The following CNIH3 variants were observed in gnomAD, a reference collection of about 807,000 sequenced individuals.
The protein encoded by CNIH3 is cornichon family AMPA receptor auxiliary protein 3.
Under a neutral mutation model 24.1 loss-of-function variants are expected in CNIH3, and 14 were observed. That is an observed-to-expected ratio of 0.58 (90% CI 0.38 to 0.91). The LOEUF is 0.91. Among genes scored for constraint, CNIH3 ranks in the 40% least tolerant of loss-of-function variants. The pLI is 0.00. For synonymous variants in CNIH3, 68 were observed against 73.8 expected (o/e 0.92, Z 0.40); for missense variants, 178 against 196.8 (o/e 0.90, Z 0.57).
intron 1 of CNIH3, among the ~76,000 whole-genome samples, chr1:224,440,278 G>A (rs1674843751): frequency 6.6e-6 from 1 of 152,184 alleles, no homozygotes; most frequent in African/African-American, 2.4e-5. Context: ...TGTCCAGGCT[G>A]GAGTACAGTG....
At chr1:224,635,864 A>C (rs1558237481) in intron 1 of CNIH3, among the ~76,000 whole-genome samples, 1 of 151,904 alleles carries the variant, frequency 6.6e-6, no homozygotes, top group Non-Finnish European at 1.5e-5. Flanking sequence ...GGTGTGTGCC[A>C]CCACACCTGG....
At chr1:224,572,400 C>G (rs1460479094) in intron 4 of CNIH3, among the ~76,000 whole-genome samples, 2 of 151,830 alleles carry the variant, frequency 1.3e-5, no homozygotes, top group African/African-American at 4.8e-5. Flanking sequence ...CCTGTAGTCC[C>G]AGCTATTTGG....
intron 5 of CNIH3, chr1:224,588,281 T>A (rs537303720): frequency 4.6e-5 from 7 of 152,186 alleles, no homozygotes; most frequent in Non-Finnish European, 1.0e-4. Context: ...AATGAAAAAA[T>A]TCAGAATGTA....
intron 3 of CNIH3, among the ~76,000 whole-genome samples, chr1:224,605,043 AG>A (rs1183936664): frequency 6.6e-6 from 1 of 152,186 alleles, no homozygotes; most frequent in African/African-American, 2.4e-5. Context: ...TAGGCAAAAA[AG>A]GCTAAAGCAA....
intron 1 of CNIH3, among the ~76,000 whole-genome samples, chr1:224,443,677 A>T (rs1675015523): frequency 7.0e-6 from 1 of 142,660 alleles, no homozygotes; most frequent in Non-Finnish European, 1.5e-5. Flanking sequence ...ATAGATAGAT[A>T]GATAGATATC....
chr1:224,439,223 A>T (rs1674789900), intron 1 of CNIH3, among the ~76,000 whole-genome samples: 1 of 152,160 alleles, frequency 6.6e-6, no homozygotes, highest in Non-Finnish European at 1.5e-5. Context: ...GGCATTCAGT[A>T]CAGTCCTGTA....
intron 3 of CNIH3, chr1:224,730,238 C>T (rs1689251142): frequency 4.0e-6 from 2 of 505,930 alleles, no homozygotes; most frequent in East Asian, 6.4e-5. Flanking sequence ...GCACTGAGGG[C>T]TTGTGTCATT....
intron 1 of CNIH3, among the ~76,000 whole-genome samples, chr1:224,482,306 G>A (rs534913602): frequency 6.6e-6 from 1 of 152,132 alleles, no homozygotes; most frequent in East Asian, 1.9e-4. Flanking sequence ...CAAGCAGAAG[G>A]GTTCTCTCCT....
At chr1:224,517,091 G>A (rs1399721235) in intron 1 of CNIH3, among the ~76,000 whole-genome samples, 2 of 151,988 alleles carry the variant, frequency 1.3e-5, no homozygotes, top group African/African-American at 4.8e-5. Context: ...GGTGTTTTTT[G>A]TTTGTTTGTT....
At chr1:224,677,487 C>T (rs1686194734) in intron 1 of CNIH3, among the ~76,000 whole-genome samples, 1 of 152,066 alleles carries the variant, frequency 6.6e-6, no homozygotes, top group South Asian at 2.1e-4. Flanking sequence ...ACGCTGAAAG[C>T]CTTTGTCCTC....
intron 1 of CNIH3, among the ~76,000 whole-genome samples, chr1:224,653,964 C>T (rs1247218772): frequency 7.2e-5 from 11 of 152,136 alleles, no homozygotes; most frequent in Non-Finnish European, 1.0e-4. Flanking sequence ...ACTACCACAC[C>T]CAGCTACTGG....
intron 4 of CNIH3, among the ~76,000 whole-genome samples, chr1:224,568,550 A>T (rs1680683278): frequency 6.6e-6 from 1 of 152,078 alleles, no homozygotes. Flanking sequence ...TGAGGCCAGG[A>T]TTTCAAGACC....
intron 1 of CNIH3, among the ~76,000 whole-genome samples, chr1:224,635,179 A>G (rs1036603493): frequency 8.5e-5 from 13 of 152,074 alleles, no homozygotes; most frequent in African/African-American, 3.1e-4. Flanking sequence ...GTCGGGGGGA[A>G]CTGCCCTAAA....
intron 1 of CNIH3, among the ~76,000 whole-genome samples, chr1:224,491,908 C>T (rs1480055950): frequency 6.6e-6 from 1 of 152,076 alleles, no homozygotes; most frequent in Non-Finnish European, 1.5e-5. Flanking sequence ...GCACCTGGCC[C>T]ATTTATTTAC....
chr1:224,439,742 G>T (rs1333533583), intron 1 of CNIH3, among the ~76,000 whole-genome samples: 2 of 151,786 alleles, frequency 1.3e-5, no homozygotes, highest in East Asian at 3.9e-4. Flanking sequence ...CTCCCGAGTA[G>T]CTGGGACTAC....
At chr1:224,709,359 G>GTTA (rs1441388634) in intron 3 of CNIH3, among the ~76,000 whole-genome samples, 2 of 152,158 alleles carry the variant, frequency 1.3e-5, no homozygotes, top group Non-Finnish European at 2.9e-5. Context: ...CAGTCTTGGG[G>GTTA]TTAGGAGTGC....
At chr1:224,719,871 C>T in intron 3 of CNIH3, among the ~76,000 whole-genome samples, 1 of 152,206 alleles carries the variant, frequency 6.6e-6, no homozygotes, top group East Asian at 1.9e-4. Context: ...TTTGCTAAAT[C>T]AGAGTTGTGG....
chr1:224,511,520 T>A (rs1678151344), upstream of CNIH3, among the ~76,000 whole-genome samples: 1 of 152,208 alleles, frequency 6.6e-6, no homozygotes, highest in African/African-American at 2.4e-5. Flanking sequence ...GGAGGATACT[T>A]ATTTCCTTTC....
intron 1 of CNIH3, among the ~76,000 whole-genome samples, chr1:224,679,154 C>T (rs571239574): frequency 6.6e-6 from 1 of 152,188 alleles, no homozygotes; most frequent in Admixed American, 6.5e-5. Context: ...CCCATCTCCA[C>T]TAAAAATATA....
Sources: gnomAD v4.1 joint callset for allele counts (sites outside exome capture counted in the v4.1 genomes callset) on GRCh38, gnomAD v4.1.1 for gene constraint, MANE v1.5 for transcripts, NCBI Gene and HGNC (gene_info 2026-07-23, HGNC 2026-07-21) for gene names.